The following IFT25 variants were observed in gnomAD, a reference collection of about 807,000 sequenced individuals.
IFT25 encodes the protein intraflagellar transport protein 25 homolog.
chr1:53,932,266 A>C, the IFT25 span, among the ~76,000 whole-genome samples: 1 of 151,944 alleles, frequency 6.6e-6, no homozygotes, highest in Admixed American at 6.6e-5. Flanking sequence ...CCCAGGAGGC[A>C]GAAGTTGCCA....
the IFT25 span, among the ~76,000 whole-genome samples, chr1:53,917,831 A>T: frequency 6.6e-6 from 1 of 152,096 alleles, no homozygotes; most frequent in Admixed American, 6.5e-5. Flanking sequence ...CCGTCTCAAA[A>T]AAGAAAAAAA....
At chr1:53,935,249 A>G in the IFT25 span, among the ~76,000 whole-genome samples, 1 of 152,126 alleles carries the variant, frequency 6.6e-6, no homozygotes, top group African/African-American at 2.4e-5. Flanking sequence ...GGAGGCAGAG[A>G]CTGCAGTGAG....
the IFT25 span, chr1:53,923,927 G>GC: frequency 6.3e-7 from 1 of 1,594,730 alleles, no homozygotes; most frequent in Non-Finnish European, 8.6e-7. Flanking sequence ...TTTTGAAGCT[G>GC]CCCCTCTGTG....
the IFT25 span, chr1:53,929,855 C>G: frequency 2.0e-6 from 2 of 994,294 alleles, no homozygotes; most frequent in Non-Finnish European, 2.7e-6. Context: ...CCTCATAATC[C>G]CCATCCTTTC....
chr1:53,916,780 T>C, the IFT25 span: 1,299 of 390,486 alleles, frequency 3.3e-3, 16 homozygotes, highest in African/African-American at 0.025. Context: ...ACTACTCACC[T>C]TCACATCTCT....
At chr1:53,930,049 T>G in the IFT25 span, 5 of 1,557,158 alleles carry the variant, frequency 3.2e-6, no homozygotes, top group Admixed American at 6.6e-5. Flanking sequence ...CAAAGTAACT[T>G]TGGATTACAA....
chr1:53,926,502 C>A, the IFT25 span, among the ~76,000 whole-genome samples: 2 of 152,072 alleles, frequency 1.3e-5, no homozygotes, highest in African/African-American at 4.8e-5. Context: ...ACCATAATAC[C>A]ACCATCATAA....
At chr1:53,921,885 T>A in the IFT25 span, 1 of 649,616 alleles carries the variant, frequency 1.5e-6, no homozygotes, top group Non-Finnish European at 2.8e-6. Flanking sequence ...TAACAACACA[T>A]AAGGCCAGCT....
At chr1:53,912,759 G>A in the IFT25 span, among the ~76,000 whole-genome samples, 1 of 152,204 alleles carries the variant, frequency 6.6e-6, no homozygotes, top group Non-Finnish European at 1.5e-5. Flanking sequence ...CTAGCCATAG[G>A]CCAGTGTAGT....
the IFT25 span, among the ~76,000 whole-genome samples, chr1:53,913,523 ACTTTCATTGACATTCGCTGT>A: frequency 7.2e-5 from 11 of 152,166 alleles, no homozygotes; most frequent in African/African-American, 2.7e-4. Flanking sequence ...GCAATCTGCA[ACTTTCATTGACATTCGCTGT>A]CTTGAGTAGC....
At chr1:53,923,984 G>A in the IFT25 span, 1 of 1,351,424 alleles carries the variant, frequency 7.4e-7, no homozygotes, top group South Asian at 1.2e-5. Context: ...TGAGTTAAGG[G>A]TCAAAATACA....
At chr1:53,943,630 T>C in the IFT25 span, among the ~76,000 whole-genome samples, 11 of 146,914 alleles carry the variant, frequency 7.5e-5, no homozygotes, top group South Asian at 2.1e-4. Context: ...GGGAGAGAAC[T>C]TTTTTTTTTT....
the IFT25 span, chr1:53,945,597 G>C: frequency 6.5e-6 from 1 of 152,908 alleles, no homozygotes; most frequent in Non-Finnish European, 1.5e-5. Context: ...TTCCGGGCTC[G>C]AAACCTCCCT....
chr1:53,914,599 G>T, the IFT25 span, among the ~76,000 whole-genome samples: 1 of 151,938 alleles, frequency 6.6e-6, no homozygotes, highest in African/African-American at 2.4e-5. Flanking sequence ...TATAAACTTT[G>T]TCCACTTATC....
the IFT25 span, chr1:53,923,847 A>G: frequency 9.8e-7 from 1 of 1,021,202 alleles, no homozygotes; most frequent in East Asian, 2.4e-5. Context: ...GAGATAGGTT[A>G]AAGTCTAAAT....
At chr1:53,946,230 G>A in the IFT25 span, 1 of 151,718 alleles carries the variant, frequency 6.6e-6, no homozygotes, top group African/African-American at 2.4e-5. Flanking sequence ...GCACGCGCAG[G>A]GCCCACCTCT....
chr1:53,933,175 G>A, the IFT25 span, among the ~76,000 whole-genome samples: 13 of 135,434 alleles, frequency 9.6e-5, no homozygotes, highest in African/African-American at 1.1e-4. Context: ...TCACTCTGTC[G>A]CCCAGGCTGG....
At chr1:53,926,688 G>A in the IFT25 span, among the ~76,000 whole-genome samples, 164 of 151,600 alleles carry the variant, frequency 1.1e-3, 1 homozygote, top group African/African-American at 3.7e-3. Context: ...GAAGAGACCA[G>A]GTCAGTTGTC....
the IFT25 span, among the ~76,000 whole-genome samples, chr1:53,932,778 C>T: frequency 1.3e-5 from 2 of 152,158 alleles, no homozygotes; most frequent in East Asian, 1.9e-4. Context: ...GTTGTCCAGG[C>T]TGGTCTCACA....
Sources: gnomAD v4.1 joint callset for allele counts (sites outside exome capture counted in the v4.1 genomes callset) on GRCh38, gnomAD v4.1.1 for gene constraint, MANE v1.5 for transcripts, NCBI Gene and HGNC (gene_info 2026-07-23, HGNC 2026-07-21) for gene names.